The following ARHGAP36 variants were observed in gnomAD, a reference collection of about 807,000 sequenced individuals.
ARHGAP36 encodes rho GTPase-activating protein 36.
ARHGAP36 carries 7 observed loss-of-function variants against 32.9 expected under a neutral mutation model. The ratio of observed to expected loss-of-function variants is 0.21; its 90% CI spans 0.12 to 0.40. The LOEUF (loss-of-function observed/expected upper bound fraction) is 0.40. Among genes scored for constraint, ARHGAP36 ranks in the 10% least tolerant of loss-of-function variants. The pLI, the probability that ARHGAP36 is intolerant of heterozygous loss-of-function variation, is 1.00. For missense variants in ARHGAP36, 383 were observed against 442.2 expected, an observed-to-expected ratio of 0.87 and a Z score of 1.20; for synonymous variants, 165 against 168.3, an observed-to-expected ratio of 0.98 and a Z score of 0.15.
At chrX:131,073,297 G>A (rs1290176947) in intron 1 of ARHGAP36, among the ~76,000 whole-genome samples, 2 of 112,967 alleles carry the variant, frequency 1.8e-5, no homozygotes, top group South Asian at 7.4e-4. Context: ...GCTACCCAGG[G>A]GCAGGACCCG....
intron 1 of ARHGAP36, chrX:131,078,737 T>G: frequency 1.0e-6 from 1 of 982,366 alleles, no homozygotes; most frequent in Non-Finnish European, 1.3e-6. Context: ...ACTGGCACCT[T>G]GAGAAGGTTG....
At chrX:131,066,115 G>A (rs1369584637) in intron 1 of ARHGAP36, among the ~76,000 whole-genome samples, 1 of 112,197 alleles carries the variant, frequency 8.9e-6, no homozygotes, top group East Asian at 2.8e-4. Context: ...AGGCATTAGA[G>A]CAGCATGAGC....
rs183264309 is a variant in ARHGAP36 at position 131,077,532 on chromosome X, A to G, written c.-142-3992A>G. On this transcript the variant is annotated intron_variant, in intron 1 of 11. Coordinates refer to ENST00000276211, the MANE Select transcript of ARHGAP36 (RefSeq NM_144967.4). ...GGCTGTAGATTTATGCCTAGTTGAA[A>G]CCATTTCAGTCCTCACAATGTTGAA... 5.4e-5 allele frequency among the ~76,000 whole-genome samples: 6 copies of G among 110,231 alleles called. No individual in the cohort carries two copies. In the East Asian group the frequency reaches 1.4e-3, roughly 26 times the overall value.
In ARHGAP36 at chrX:131,058,376, CA is replaced by C. The variant is rs2079651072; in HGVS notation, c.-210del. The C allele has an allele frequency of 8.9e-7, 1 of 1,124,464 alleles. No individual in the cohort carries two copies. Among genetic ancestry groups the C allele is most frequent in the Non-Finnish European group, 1.2e-6 (1 of 852,723 alleles). 92.7% of individuals were successfully genotyped at this position (1,124,464 alleles called of 1,213,427 possible). A position where few individuals can be genotyped will look rare whatever the true frequency, so the allele number is the denominator to read the frequency against. On this transcript the variant is annotated 5_prime_UTR_variant, in exon 1 of 12. Transcript: ENST00000276211. Reference sequence around the variant, plus strand: ...GGTTAACTGCGAGCTGCCGGGCACTCAGCGCGGGTCATGGCGTGGATACTGG... The same window carrying C: ...GGTTAACTGCGAGCTGCCGGGCACTCGCGCGGGTCATGGCGTGGATACTGG...
Position 131,078,138 on chromosome X carries a change from A to G in ARHGAP36, c.-142-3386A>G, listed in dbSNP as rs138639373. 7.3e-3 allele frequency among the ~76,000 whole-genome samples: 816 copies of G among 111,180 alleles called. 11 individuals are homozygous for G. Among genetic ancestry groups the G allele is most frequent in the African/African-American group, 0.025 (773 of 30,487 alleles). On this transcript the variant is annotated intron_variant, in intron 1 of 11. Transcript: ENST00000276211. ...TTGTAAACTCCAGCCCTCTGCAAAG[A>G]ACCTTCACTATTAACATGTTTATTA...
At chrX:131,083,649 G>A in intron 3 of ARHGAP36, 85 bp from the exon 4 acceptor site, 1 of 977,222 alleles carries the variant, frequency 1.0e-6, no homozygotes. Context: ...TGGTTGCTGG[G>A]AGGAGTGCTA....
Position 131,078,181 on chromosome X carries a change from C to T in ARHGAP36, c.-142-3343C>T, listed in dbSNP as rs112528445. Among the ~76,000 whole-genome samples the T allele has an allele frequency of 5.4e-5, 6 of 111,175 alleles. No individual in the cohort carries two copies. The East Asian group carries it at 1.7e-3, about 31-fold the overall frequency. Reference sequence around the variant, plus strand: ...GTTTATTAAAAACCAATGCTAAATACCACACATAATATTATTCATTCAACT... The same window carrying T: ...GTTTATTAAAAACCAATGCTAAATATCACACATAATATTATTCATTCAACT... On this transcript the variant is annotated intron_variant, in intron 1 of 11. Coordinates refer to ENST00000276211, the MANE Select transcript of ARHGAP36 (RefSeq NM_144967.4).
intron 1 of ARHGAP36, among the ~76,000 whole-genome samples, chrX:131,063,033 C>G (rs994593352): frequency 4.5e-5 from 5 of 112,321 alleles, no homozygotes; most frequent in Admixed American, 2.8e-4. Context: ...TGGTCTTTGA[C>G]TTATTTGATT....
chrX:131,067,712 G>A (rs190160213), intron 1 of ARHGAP36, among the ~76,000 whole-genome samples: 182 of 111,611 alleles, frequency 1.6e-3, no homozygotes, highest in African/African-American at 5.6e-3. Flanking sequence ...AAGCACGTAA[G>A]CTGACCACAT....
intron 1 of ARHGAP36, among the ~76,000 whole-genome samples, chrX:131,064,378 G>C (rs1021325532): frequency 3.6e-5 from 4 of 111,765 alleles, no homozygotes; most frequent in African/African-American, 1.3e-4. Context: ...ACTATTTCAA[G>C]AGTGTCAGAC....
chrX:131,083,233 G>A lies in ARHGAP36; in HGVS notation c.319+3G>A. 8.3e-7 allele frequency: 1 copy of A among 1,206,650 alleles called. No individual in the cohort carries two copies. Reference sequence around the variant, plus strand: ...GATTTTGAGAGGACAGCAGAGGGGTGAGGGGGCTCTTGTATTTTCTTTAGA... The same window carrying A: ...GATTTTGAGAGGACAGCAGAGGGGTAAGGGGGCTCTTGTATTTTCTTTAGA... On this transcript the variant is annotated splice_donor_region_variant and intron_variant, in intron 3 of 11. Coordinates refer to ENST00000276211, the MANE Select transcript of ARHGAP36 (RefSeq NM_144967.4).
chrX:131,085,781 A>T (rs563087780), intron 8 of ARHGAP36, 45 bp downstream of exon 8: 1 of 1,195,729 alleles, frequency 8.4e-7, no homozygotes, highest in Non-Finnish European at 1.1e-6. Flanking sequence ...AGTAGGGGAC[A>T]TATGTGGGAG....
intron 1 of ARHGAP36, among the ~76,000 whole-genome samples, chrX:131,068,259 A>C (rs1603392765): frequency 9.0e-6 from 1 of 111,327 alleles, no homozygotes; most frequent in South Asian, 3.9e-4. Context: ...GCTTACATGC[A>C]TACATACATA....
rs373098823 is a variant in ARHGAP36 at position 131,071,890 on chromosome X, T to TG, written c.-142-9626dup. Among the ~76,000 whole-genome samples the TG allele has an allele frequency of 2.9e-3, 326 of 110,941 alleles. 1 individual carries two copies. The highest frequency in any genetic ancestry group is 9.7e-3 in the East Asian group (34 of 3,520). ...GGCCCAAGACAGGAGAGAATTCAAT[T>TG]GGGGGGGGTGTAATTGTGTATTTGA... On this transcript the variant is annotated intron_variant, in intron 1 of 11. Coordinates refer to ENST00000276211, the MANE Select transcript of ARHGAP36 (RefSeq NM_144967.4).
At chrX:131,084,066 GGGA>G in intron 4 of ARHGAP36, 97 bp downstream of exon 4, 2 of 1,067,395 alleles carry the variant, frequency 1.9e-6, no homozygotes, top group Non-Finnish European at 2.5e-6. Flanking sequence ...AGAGGCAGGG[GGGA>G]GCTGAACACA....
At chrX:131,077,701 T>C (rs1056546254) in intron 1 of ARHGAP36, among the ~76,000 whole-genome samples, 10 of 101,931 alleles carry the variant, frequency 9.8e-5, no homozygotes, top group Admixed American at 9.6e-4. Context: ...GTCCGCTCTT[T>C]GTTCAAATTC....
In ARHGAP36 at chrX:131,088,709, C is replaced by T. The variant is rs142401871; in HGVS notation, c.1568C>T (p.Pro523Leu). Residue 523 changes from proline (P) to leucine (L), a missense_variant, in exon 12 of 12, where the codon CCG (proline) becomes CTG (leucine). Coordinates refer to ENST00000276211, the MANE Select transcript of ARHGAP36 (RefSeq NM_144967.4). Reference sequence around the variant, plus strand: ...GAAGGAGCGGGTAACCCTCCCATTCCGGAGCAAGACCGCCCATTGCTCCGT... The same window carrying T: ...GAAGGAGCGGGTAACCCTCCCATTCTGGAGCAAGACCGCCCATTGCTCCGT... The part of the protein sequence containing the change: ...DEEGAGNPPI[P>L]EQDRPLLRVP... The T allele has an allele frequency of 7.4e-6, 9 of 1,210,157 alleles. No homozygotes were observed. The African/African-American group carries it at 8.7e-5, about 12-fold the overall frequency.
intron 1 of ARHGAP36, among the ~76,000 whole-genome samples, chrX:131,061,277 T>C (rs759561525): frequency 1.8e-5 from 2 of 111,421 alleles, no homozygotes; most frequent in African/African-American, 6.5e-5. Context: ...TGCAGGTTTG[T>C]TACATAGGTA....
chrX:131,076,745 G>A (rs978480409), intron 1 of ARHGAP36, among the ~76,000 whole-genome samples: 2 of 112,049 alleles, frequency 1.8e-5, no homozygotes, highest in African/African-American at 6.5e-5. Context: ...ATTGCTGTGT[G>A]GTCTTGGGAA....
Sources: allele counts gnomAD v4.1 joint callset (sites outside exome capture counted in the v4.1 genomes callset), GRCh38; gene constraint gnomAD v4.1.1; transcripts MANE v1.5; gene names NCBI Gene and HGNC (gene_info 2026-07-23, HGNC 2026-07-21).